ISCU: variants seen among roughly 807,000 people sequenced by gnomAD.
ISCU encodes the protein iron-sulfur cluster assembly enzyme, also known as iron-sulfur cluster assembly enzyme ISCU.
Under a neutral mutation model 18.4 loss-of-function variants are expected in ISCU, and 13 were observed. That is an observed-to-expected ratio of 0.71 (90% CI 0.46 to 1.12). The LOEUF (loss-of-function observed/expected upper bound fraction) is 1.12. Among genes scored for constraint, ISCU ranks in the 50% most tolerant of loss-of-function variants. ISCU has a pLI of 0.00. For synonymous variants in ISCU, 104 were observed against 87.5 expected, an observed-to-expected ratio of 1.19 and a Z score of -1.06; for missense variants, 229 against 208.7, an observed-to-expected ratio of 1.10 and a Z score of -0.60.
At chr12:108,561,511 T>G, upstream of ISCU, 1 of 210,502 alleles carries the variant, frequency 4.8e-6, no homozygotes, top group Non-Finnish European at 9.6e-6. Context: ...ATTCTTCGAT[T>G]AAATGCCTTA....
intron 4 of ISCU, chr12:108,567,701 A>G (rs528382245): frequency 1.3e-6 from 2 of 1,536,070 alleles, no homozygotes; most frequent in Admixed American, 2.0e-5. Context: ...AGCTTTCGCC[A>G]TAATCCTGTT....
chr12:108,565,034 G>A, intron 2 of ISCU: 1 of 470,074 alleles, frequency 2.1e-6, no homozygotes, highest in South Asian at 2.6e-5. Flanking sequence ...TCCACAAATA[G>A]AAGTTCATAG....
chr12:108,565,053 C>T, intron 2 of ISCU: 1 of 505,212 alleles, frequency 2.0e-6, no homozygotes, highest in Non-Finnish European at 3.5e-6. Context: ...AGCCAAAATG[C>T]AGGCCAGAGT....
intron 4 of ISCU, chr12:108,567,836 A>G: frequency 6.7e-7 from 1 of 1,502,284 alleles, no homozygotes; most frequent in East Asian, 2.5e-5. Flanking sequence ...AAAAGCCCAG[A>G]TGCCTTAAGA....
At position 108,562,686 on chromosome 12, in the gene ISCU, C is replaced by A. The variant is rs1465868970; in HGVS notation, c.64C>A (p.Arg22Ser). ...ATCGGCTCTGCTGCTGCGGAGCCCC[C>A]GCCTGCCCGCCCGGGAGCTGTCGGC... The part of the protein sequence containing the change: ...AASALLLRSP[R>S]LPARELSAPA... Residue 22 changes from arginine (R) to serine (S), a missense_variant, in exon 1 of 5, where the codon CGC becomes AGC. By Grantham distance (110) the Arg-to-Ser change is moderately radical. Transcript: ENST00000311893. The A allele has an allele frequency of 3.4e-6, 5 of 1,480,450 alleles. No individual in the cohort carries two copies. The highest frequency in any genetic ancestry group is 4.4e-6 in the Non-Finnish European group (5 of 1,125,652). The allele number at this position is 1,480,450 out of a possible 1,614,324, so 91.7% of individuals were successfully genotyped here. A position where few individuals can be genotyped will look rare whatever the true frequency, so the allele number is the denominator to read the frequency against.
At chr12:108,567,695 T>C in intron 4 of ISCU, 28 of 1,536,066 alleles carry the variant, frequency 1.8e-5, no homozygotes, top group Non-Finnish European at 2.4e-5. Flanking sequence ...AAACTCAGCT[T>C]TCGCCATAAT....
chr12:108,567,068 G>T, intron 3 of ISCU, 122 bp from the exon 4 acceptor site: 1 of 749,010 alleles, frequency 1.3e-6, no homozygotes, highest in Non-Finnish European at 2.4e-6. Flanking sequence ...AGCCGTTTGA[G>T]TTATTAAACA....
rs2031040812 is a variant in ISCU, at chr12:108,569,191, G to A, written c.*275G>A. On this transcript the variant is annotated 3_prime_UTR_variant, in exon 5 of 5. Coordinates refer to ENST00000311893, the MANE Select transcript of ISCU (RefSeq NM_213595.4). ...CCTCAGAACTGAAATTGATAATGAA[G>A]TTGCAAGTTTTGATAGCCCGTGAAG... The A allele has an allele frequency of 4.3e-6, 2 of 462,234 alleles. No homozygotes were observed. Among genetic ancestry groups the A allele is most frequent in the Admixed American group, 3.6e-5 (1 of 28,062 alleles). 28.6% of individuals were successfully genotyped at this position (462,234 alleles called of 1,614,324 possible). A position where few individuals can be genotyped will look rare whatever the true frequency, so the allele number is the denominator to read the frequency against.
chr12:108,569,018 C>T lies in ISCU; in HGVS notation c.*102C>T. ...AAGCCGCTTCCTCTCCACTGAAGAG[C>T]TATGAGATACGCACAATACTTGCTG... On this transcript the variant is annotated 3_prime_UTR_variant, in exon 5 of 5. Coordinates refer to ENST00000311893, the MANE Select transcript of ISCU (RefSeq NM_213595.4). 1.1e-6 allele frequency: 1 copy of T among 909,378 alleles called. No homozygotes were observed. Among genetic ancestry groups the T allele is most frequent in the Non-Finnish European group, 1.8e-6 (1 of 566,312 alleles). The allele number at this position is 909,378 out of a possible 1,614,324, so 56.3% of individuals were successfully genotyped here.
At chr12:108,567,832 C>A in intron 4 of ISCU, 1 of 1,509,190 alleles carries the variant, frequency 6.6e-7, no homozygotes, top group Non-Finnish European at 8.9e-7. Context: ...AAAAAAAAGC[C>A]CAGATGCCTT....
intron 1 of ISCU, chr12:108,563,665 C>A: frequency 3.7e-6 from 1 of 269,616 alleles, no homozygotes. Context: ...CTCCCCCTCC[C>A]GGGGGTGTGT....
chr12:108,562,558 C>G, upstream of ISCU: 2 of 940,938 alleles, frequency 2.1e-6, no homozygotes, highest in Non-Finnish European at 2.9e-6. Context: ...CAGCTCGGAG[C>G]CGACTCGCAG....
rs1396469133 is a variant in ISCU, at chr12:108,568,945, C to T, written c.*29C>T. On this transcript the variant is annotated 3_prime_UTR_variant, in exon 5 of 5. Coordinates refer to ENST00000311893, the MANE Select transcript of ISCU (RefSeq NM_213595.4). ...CTCCCTCGGCGAAGCCTCCAGCAGG[C>T]CACACCAGCTGTTTCCCACCTGCTG... 9 of 1,581,018 alleles carry T rather than the reference C, an allele frequency of 5.7e-6. No homozygotes were observed. Among genetic ancestry groups the T allele is most frequent in the Non-Finnish European group, 7.8e-6 (9 of 1,157,354 alleles).
chr12:108,568,848 A>T lies in ISCU; in HGVS notation c.436A>T (p.Ile146Phe), dbSNP rs369278453. ...ACTTCCAGTGCTGGCTGAAGATGCA[A>T]TCAAGGCCGCCCTGGCTGATTACAA... Reference protein sequence around the residue: ...LHCSMLAEDAIKAALADYKLK... With the variant: ...LHCSMLAEDAFKAALADYKLK... Residue 146 changes from isoleucine to phenylalanine, a missense_variant, in exon 5 of 5, where the codon ATC becomes TTC. Coordinates refer to ENST00000311893, the MANE Select transcript of ISCU (RefSeq NM_213595.4). The T allele has an allele frequency of 6.2e-7, 1 of 1,613,444 alleles. No individual in the cohort carries two copies. The highest frequency in any genetic ancestry group is 8.5e-7 in the Non-Finnish European group (1 of 1,179,752).
At position 108,568,932 on chromosome 12, in the gene ISCU, A is replaced by G. The variant is rs772428040; in HGVS notation, c.*16A>G. 3.1e-6 allele frequency: 5 copies of G among 1,600,164 alleles called. No individual in the cohort carries two copies. Among genetic ancestry groups the G allele is most frequent in the Non-Finnish European group, 4.3e-6 (5 of 1,172,312 alleles). ...GAAGAAATGAGCCCTCCCTCGGCGA[A>G]GCCTCCAGCAGGCCACACCAGCTGT... is the stretch of plus-strand genomic sequence containing the variant. On this transcript the variant is annotated 3_prime_UTR_variant, in exon 5 of 5. Coordinates refer to ENST00000311893, the MANE Select transcript of ISCU (RefSeq NM_213595.4).
upstream of ISCU, among the ~76,000 whole-genome samples, chr12:108,562,377 T>C (rs1436494781): frequency 1.3e-5 from 2 of 152,172 alleles, no homozygotes; most frequent in African/African-American, 4.8e-5. Context: ...AGGTCCTGTC[T>C]CAACCAGAAT....
chr12:108,568,723 C>T (rs1309322317), intron 4 of ISCU, 108 bp from the exon 5 acceptor site: 1 of 1,542,134 alleles, frequency 6.5e-7, no homozygotes, highest in Non-Finnish European at 8.7e-7. Context: ...TTGGTTACTC[C>T]ATTAGTCCCC....
At chr12:108,564,203 C>G (rs201298535) in intron 1 of ISCU, 76 bp from the exon 2 acceptor site, 37 of 1,560,132 alleles carry the variant, frequency 2.4e-5, no homozygotes, top group Non-Finnish European at 3.0e-5. Context: ...AGATGCTGAC[C>G]GAGGAGCTTA....
upstream of ISCU, among the ~76,000 whole-genome samples, chr12:108,561,990 C>T (rs2030588023): frequency 6.6e-6 from 1 of 152,062 alleles, no homozygotes; most frequent in African/African-American, 2.4e-5. Flanking sequence ...TTTTGCTTTC[C>T]GTTGGATCCC....
Sources: allele counts gnomAD v4.1 joint callset (sites outside exome capture counted in the v4.1 genomes callset), GRCh38; gene constraint gnomAD v4.1.1; transcripts MANE v1.5; gene names NCBI Gene and HGNC (gene_info 2026-07-23, HGNC 2026-07-21).